DMD: variants seen among roughly 807,000 people sequenced by gnomAD.
DMD encodes dystrophin.
Under a neutral mutation model 330.1 loss-of-function variants are expected in DMD, and 63 were observed. That is an observed-to-expected ratio of 0.19 (90% CI 0.16 to 0.24). The LOEUF (loss-of-function observed/expected upper bound fraction) is 0.24. DMD is among the 10% of genes least tolerant of loss of function. DMD has a pLI of 1.00. For missense variants in DMD, 3,344 were observed against 2,684.1 expected (o/e 1.25, Z -5.43); for synonymous variants, 1,223 against 959.8 (o/e 1.27, Z -5.07).
chrX:32,535,449 G>A, intron 17 of DMD, among the ~76,000 whole-genome samples: 1 of 111,854 alleles, frequency 8.9e-6, no homozygotes, highest in Non-Finnish European at 1.9e-5. Flanking sequence ...CATTTCTAGA[G>A]CAGATGTATC....
chrX:32,531,220 C>T (rs1253066297), intron 17 of DMD, among the ~76,000 whole-genome samples: 1 of 111,726 alleles, frequency 9.0e-6, no homozygotes, highest in African/African-American at 3.2e-5. Context: ...TTTTGAGGTA[C>T]ACACAAAAGT....
At chrX:32,628,481 T>C (rs990968727) in intron 11 of DMD, among the ~76,000 whole-genome samples, 2 of 107,595 alleles carry the variant, frequency 1.9e-5, no homozygotes, top group Non-Finnish European at 3.8e-5. Flanking sequence ...TTTGTTTTGT[T>C]GATCTTTTGT....
intron 60 of DMD, among the ~76,000 whole-genome samples, chrX:31,400,200 C>T (rs900900831): frequency 1.8e-5 from 2 of 111,426 alleles, no homozygotes; most frequent in Non-Finnish European, 3.8e-5. Context: ...AAACCTGTCT[C>T]CCATTCTATT....
At chrX:33,183,155 T>G (rs1474097427) in intron 1 of DMD, among the ~76,000 whole-genome samples, 1 of 112,122 alleles carries the variant, frequency 8.9e-6, no homozygotes, top group Non-Finnish European at 1.9e-5. Flanking sequence ...GAAAATAAAA[T>G]TTGAGTTAGC....
intron 2 of DMD, among the ~76,000 whole-genome samples, chrX:32,876,102 C>A (rs939999831): frequency 6.3e-5 from 7 of 111,676 alleles, no homozygotes; most frequent in Non-Finnish European, 1.3e-4. Flanking sequence ...ACATCAAAGA[C>A]AATATATCCC....
chrX:32,644,990 C>A lies in DMD; in HGVS notation c.1123G>T (p.Val375Leu). The change falls in exon 10 of 79, where the codon GTG (valine) becomes TTG (leucine). Residue 375 changes from valine (V) to leucine (L), a missense_variant. Transcript: ENST00000357033. ...QGEISNDVEV[V>L]KDQFHTHEGY... ...TCATGAGTATGAAACTGGTCTTTCA[C>A]CACTTCCACATCATTAGAAATCTCT... 2 of 1,211,523 alleles carry A rather than the reference C, an allele frequency of 1.7e-6. No homozygotes were observed. Among genetic ancestry groups the A allele is most frequent in the Admixed American group, 4.4e-5 (2 of 45,960 alleles).
chrX:32,818,948 C>T (rs375023856), intron 5 of DMD, among the ~76,000 whole-genome samples: 35 of 108,647 alleles, frequency 3.2e-4, no homozygotes, highest in Middle Eastern at 4.8e-3. Context: ...ATAGGGTCTA[C>T]GTCACAGCTC....
chrX:32,053,951 C>T (rs2096139006), intron 44 of DMD, among the ~76,000 whole-genome samples: 1 of 109,566 alleles, frequency 9.1e-6, no homozygotes, highest in Non-Finnish European at 1.9e-5. Context: ...ATACCTAAAT[C>T]AAAGGGGGGA....
At chrX:32,847,274 CAT>C (rs1434438870) in intron 3 of DMD, among the ~76,000 whole-genome samples, 2 of 111,719 alleles carry the variant, frequency 1.8e-5, no homozygotes, top group African/African-American at 6.5e-5. Flanking sequence ...TAGAACCAAA[CAT>C]AGTCTACTCT....
At chrX:31,565,777 CTGG>C (rs1048638797) in intron 55 of DMD, among the ~76,000 whole-genome samples, 1 of 112,193 alleles carries the variant, frequency 8.9e-6, no homozygotes, top group African/African-American at 3.2e-5. Flanking sequence ...TTGCTAGCAT[CTGG>C]TGTTGTAACT....
intron 2 of DMD, among the ~76,000 whole-genome samples, chrX:32,914,506 G>A (rs2087605090): frequency 8.9e-6 from 1 of 112,303 alleles, no homozygotes; most frequent in Admixed American, 9.4e-5. Context: ...ATCGGAATCT[G>A]TGGGTACAGC....
intron 52 of DMD, among the ~76,000 whole-genome samples, chrX:31,718,214 C>T (rs889271034): frequency 9.0e-6 from 1 of 111,073 alleles, no homozygotes; most frequent in Non-Finnish European, 1.9e-5. Context: ...TCAAGGCCCT[C>T]GACTGGAATT....
rs7062922 is a variant in DMD at position 32,408,909 on chromosome X, T to C, written c.4233+2843A>G. On this transcript the variant is annotated intron_variant, in intron 30 of 78. Coordinates refer to ENST00000357033, the MANE Select transcript of DMD (RefSeq NM_004006.3). ...CTATCTATCTATCTATCTATCTATCTATCCATCCATCAATCCATACATCCA... is the reference window on the plus strand; with the variant it reads ...CTATCTATCTATCTATCTATCTATCCATCCATCCATCAATCCATACATCCA... Among the ~76,000 whole-genome samples the C allele has an allele frequency of 3.5e-3, 350 of 100,381 alleles. 1 individual carries two copies. Among genetic ancestry groups the C allele is most frequent in the African/African-American group, 0.012 (308 of 25,054 alleles). The allele number at this position is 100,381 out of a possible 115,157, so 87.2% of individuals were successfully genotyped here.
At chrX:32,290,146 T>C (rs2097460552) in intron 42 of DMD, among the ~76,000 whole-genome samples, 2 of 111,762 alleles carry the variant, frequency 1.8e-5, no homozygotes, top group Admixed American at 1.9e-4. Context: ...TTTCTGCCCT[T>C]GCTGTTCTAC....
Position 32,216,038 on chromosome X carries a change from C to A in DMD, c.6438+878G>T, listed in dbSNP as rs779659613. ...TGTGATACTGCTTTTGTGAATCCAG[C>A]ATTTTGAAATATCTAAAGTATTTAA... On this transcript the variant is annotated intron_variant, in intron 44 of 78. Transcript: ENST00000357033. 9.8e-5 allele frequency among the ~76,000 whole-genome samples: 11 copies of A among 112,125 alleles called. No homozygotes were observed. In the East Asian group the frequency reaches 2.8e-3, roughly 29 times the overall value.
At chrX:32,458,648 C>T (rs1280791141) in intron 25 of DMD, among the ~76,000 whole-genome samples, 1 of 111,313 alleles carries the variant, frequency 9.0e-6, no homozygotes, top group African/African-American at 3.3e-5. Context: ...ACATTCTTGC[C>T]AACACTTAGT....
At chrX:31,552,100 G>T (rs1343645738) in intron 55 of DMD, among the ~76,000 whole-genome samples, 1 of 112,207 alleles carries the variant, frequency 8.9e-6, no homozygotes, top group Admixed American at 9.4e-5. Flanking sequence ...GAGTTTCTCA[G>T]ATTCAACCCC....
At chrX:31,985,090 C>A (rs2095500771) in intron 44 of DMD, among the ~76,000 whole-genome samples, 1 of 111,761 alleles carries the variant, frequency 8.9e-6, no homozygotes, top group Non-Finnish European at 1.9e-5. Context: ...AAAGAATAGA[C>A]CTGGTAATAA....
At chrX:32,964,885 A>G (rs1300600994) in intron 2 of DMD, among the ~76,000 whole-genome samples, 1 of 112,218 alleles carries the variant, frequency 8.9e-6, no homozygotes, top group East Asian at 2.8e-4. Flanking sequence ...TTGAAAGTAC[A>G]CAACACTTTC....
Sources: allele counts gnomAD v4.1 joint callset (sites outside exome capture counted in the v4.1 genomes callset), GRCh38; gene constraint gnomAD v4.1.1; transcripts MANE v1.5; gene names NCBI Gene and HGNC (gene_info 2026-07-23, HGNC 2026-07-21).